The following TNS3 variants were observed in gnomAD, a reference collection of about 807,000 sequenced individuals.
The protein encoded by TNS3 is tensin 3.
In TNS3, 45 loss-of-function variants were observed where a neutral mutation model predicts 140.9. The ratio of observed to expected loss-of-function variants is 0.32; its 90% confidence interval spans 0.25 to 0.41. The LOEUF is 0.41. Among genes scored for constraint, TNS3 ranks in the 10% least tolerant of loss-of-function variants. TNS3 has a pLI of 1.00. For missense variants in TNS3, 1,716 were observed against 1,906.7 expected (o/e 0.90, Z 1.86); for synonymous variants, 815 against 788.4 (o/e 1.03, Z -0.56).
At chr7:47,510,290 G>A (rs764132323) in intron 2 of TNS3, among the ~76,000 whole-genome samples, 30 of 152,098 alleles carry the variant, frequency 2.0e-4, no homozygotes, top group Non-Finnish European at 5.9e-5. Context: ...GAAGAACTTC[G>A]CACCAAAATC....
At chr7:47,474,573 C>A (rs1797098605) in intron 4 of TNS3, among the ~76,000 whole-genome samples, 1 of 148,528 alleles carries the variant, frequency 6.7e-6, no homozygotes, top group South Asian at 2.2e-4. Flanking sequence ...AACACACACA[C>A]CTCACAACAC....
rs970956240 is a variant in TNS3, at chr7:47,369,273, A to T, written c.1373T>A (p.Val458Glu). Residue 458 changes from valine to glutamate, a missense_variant, in exon 17 of 31, where the codon GTG becomes GAG. Transcript: ENST00000311160. ...TCCATTCACGTGAACCTGGGCTGGC[A>T]CCACGTGGCGGGTCCCACTGTACTT... is the stretch of plus-strand genomic sequence containing the variant. Reference protein sequence around the residue: ...RSKYSGTRHVVPAQVHVNGDA... With the variant: ...RSKYSGTRHVEPAQVHVNGDA... 1 of 1,614,016 alleles carries T rather than the reference A, an allele frequency of 6.2e-7. No individual in the cohort carries two copies. Among genetic ancestry groups the T allele is most frequent in the East Asian group, 2.2e-5 (1 of 44,894 alleles).
At chr7:47,334,685 C>T (rs565026657) in intron 20 of TNS3, among the ~76,000 whole-genome samples, 184 of 144,962 alleles carry the variant, frequency 1.3e-3, no homozygotes, top group African/African-American at 4.6e-3. Flanking sequence ...GCTCATGCAA[C>T]CTCCGCCTCC....
At chr7:47,433,989 G>T (rs572677479) in intron 8 of TNS3, among the ~76,000 whole-genome samples, 1 of 151,810 alleles carries the variant, frequency 6.6e-6, no homozygotes, top group Non-Finnish European at 1.5e-5. Context: ...AAAAGATCAG[G>T]TCATCACGGA....
intron 15 of TNS3, among the ~76,000 whole-genome samples, chr7:47,400,118 A>G (rs568184057): frequency 2.6e-5 from 4 of 152,346 alleles, no homozygotes; most frequent in African/African-American, 7.2e-5. Flanking sequence ...TAAAACCACA[A>G]TGCAATACCA....
At chr7:47,367,708 T>A (rs1790789199) in intron 17 of TNS3, among the ~76,000 whole-genome samples, 1 of 152,070 alleles carries the variant, frequency 6.6e-6, no homozygotes, top group South Asian at 2.1e-4. Flanking sequence ...CTGGGCCTGT[T>A]CCCCCAAGCC....
intron 20 of TNS3, among the ~76,000 whole-genome samples, chr7:47,331,889 C>A (rs538085189): frequency 1.3e-5 from 2 of 152,342 alleles, no homozygotes; most frequent in Non-Finnish European, 2.9e-5. Context: ...CTAAGTAGGA[C>A]AGCCTGGCCA....
chr7:47,329,650 C>T (rs543568133), intron 20 of TNS3, among the ~76,000 whole-genome samples: 82 of 152,294 alleles, frequency 5.4e-4, no homozygotes, highest in African/African-American at 1.6e-3. Flanking sequence ...ATGATGCTGT[C>T]GGAAATGCCT....
rs1435780436 is a variant in TNS3, at chr7:47,400,794, C to T, written c.844G>A (p.Ala282Thr). ...CAGCTCCGCGCCTCACCTTTGCTGG[C>T]ATTGTCCAGATCCTCCTTCCCAAAC... is the stretch of plus-strand genomic sequence containing the variant. ...LVFGKEDLDN[A>T]SKDDRFPDYG... The change falls in exon 14 of 31, where the codon GCC becomes ACC. Residue 282 changes from alanine (A) to threonine (T), a missense_variant. By Grantham distance (58) the Ala-to-Thr change is moderately conservative. Transcript: ENST00000311160. 6.2e-7 allele frequency: 1 copy of T among 1,614,172 alleles called. No homozygotes were observed. Among genetic ancestry groups the T allele is most frequent in the Admixed American group, 1.7e-5 (1 of 60,034 alleles).
At position 47,303,067 on chromosome 7, in the gene TNS3, C is replaced by G. The variant is rs540170139; in HGVS notation, c.3340G>C (p.Val1114Leu). 3.7e-6 allele frequency: 6 copies of G among 1,614,226 alleles called. No individual in the cohort carries two copies. The African/African-American group carries it at 8.0e-5, about 22-fold the overall frequency. ...ASEGDRSLGS[V>L]SPSSSGFSSP... Reference sequence around the variant, plus strand: ...GAGAAGCCACTGGAGGAGGGAGAGACTGAGCCCAAAGAACGATCCCCCTCC... The same window carrying G: ...GAGAAGCCACTGGAGGAGGGAGAGAGTGAGCCCAAAGAACGATCCCCCTCC... Residue 1114 changes from valine (V) to leucine (L), a missense_variant, in exon 22 of 31, where the codon GTC (valine) becomes CTC (leucine). Val to Leu is a conservative substitution (Grantham distance 32). Transcript: ENST00000311160.
chr7:47,361,467 C>G (rs534295199), intron 17 of TNS3, among the ~76,000 whole-genome samples: 3 of 152,186 alleles, frequency 2.0e-5, no homozygotes, highest in East Asian at 3.9e-4. Context: ...CTGAGCACCC[C>G]CAGCACGTTC....
At chr7:47,352,459 G>A (rs1789742680) in intron 17 of TNS3, among the ~76,000 whole-genome samples, 2 of 152,182 alleles carry the variant, frequency 1.3e-5, no homozygotes. Context: ...CAAACGGATG[G>A]TCCGTGATGG....
In TNS3 at chr7:47,528,911, A is replaced by T. The variant is rs1342771925; in HGVS notation, c.-153+125T>A. ...GTAAGGGGGTAGGGGGTTGGGGGACATATAAACTAAGAAGGGGAATTCCAT... is the reference window on the plus strand; with the variant it reads ...GTAAGGGGGTAGGGGGTTGGGGGACTTATAAACTAAGAAGGGGAATTCCAT... On this transcript the variant is annotated intron_variant, in intron 2 of 30. Coordinates refer to ENST00000311160, the MANE Select transcript of TNS3 (RefSeq NM_022748.12). The T allele has an allele frequency of 1.1e-5, 5 of 457,956 alleles. No homozygotes were observed. In the Admixed American group the frequency reaches 2.1e-4, roughly 19 times the overall value. 28.4% of individuals were successfully genotyped at this position (457,956 alleles called of 1,614,324 possible).
chr7:47,389,262 C>T (rs1448356746), intron 16 of TNS3, among the ~76,000 whole-genome samples: 1 of 152,156 alleles, frequency 6.6e-6, no homozygotes, highest in East Asian at 1.9e-4. Context: ...CCTTGTAGAC[C>T]CGTCTGCATG....
chr7:47,536,624 G>A (rs1799607888), intron 1 of TNS3, among the ~76,000 whole-genome samples: 1 of 152,216 alleles, frequency 6.6e-6, no homozygotes, highest in Non-Finnish European at 1.5e-5. Context: ...CTTTTCAAGA[G>A]GCAGTTGAGT....
chr7:47,394,819 G>A (rs1177908838), intron 16 of TNS3, among the ~76,000 whole-genome samples: 1 of 152,198 alleles, frequency 6.6e-6, no homozygotes, highest in Non-Finnish European at 1.5e-5. Context: ...CATGCTGCAG[G>A]CGCCCAGCTT....
chr7:47,535,539 A>C (rs1196043491), intron 1 of TNS3, among the ~76,000 whole-genome samples: 1 of 152,226 alleles, frequency 6.6e-6, no homozygotes, highest in African/African-American at 2.4e-5. Context: ...TTTCTCCCAA[A>C]GGGGGAGAGG....
chr7:47,482,747 A>C (rs1241256442), intron 3 of TNS3, among the ~76,000 whole-genome samples: 1 of 152,248 alleles, frequency 6.6e-6, no homozygotes, highest in Non-Finnish European at 1.5e-5. Flanking sequence ...ATGATGAAAA[A>C]AAAAATGAGC....
chr7:47,422,091 T>C (rs1022803188), intron 10 of TNS3, among the ~76,000 whole-genome samples: 3 of 152,240 alleles, frequency 2.0e-5, no homozygotes, highest in African/African-American at 4.8e-5. Flanking sequence ...ATTTATCTTA[T>C]GCATTCATTC....
Sources: allele counts gnomAD v4.1 joint callset (sites outside exome capture counted in the v4.1 genomes callset), GRCh38; gene constraint gnomAD v4.1.1; transcripts MANE v1.5; gene names NCBI Gene and HGNC (gene_info 2026-07-23, HGNC 2026-07-21).